The following NPC1 variants were observed in gnomAD, a reference collection of about 807,000 sequenced individuals.
The protein encoded by NPC1 is NPC intracellular cholesterol transporter 1, also known as Niemann-Pick C1 protein.
Under a neutral mutation model 140.4 loss-of-function variants are expected in NPC1, and 85 were observed. That is an observed-to-expected ratio of 0.61 (90% CI 0.51 to 0.72). NPC1 has a LOEUF of 0.72. NPC1 is among the 30% of genes least tolerant of loss of function. The pLI is 0.00. For missense variants in NPC1, 1,504 were observed against 1,623.8 expected (o/e 0.93, Z 1.27); for synonymous variants, 656 against 624.8 (o/e 1.05, Z -0.74).
chr18:23,570,385 T>G (rs2059184541), intron 3 of NPC1, among the ~76,000 whole-genome samples: 1 of 152,218 alleles, frequency 6.6e-6, no homozygotes. Flanking sequence ...TAAATAAATG[T>G]GTTTTGACTG....
At chr18:23,515,915 G>C (rs758501055) in intron 3 of NPC1, 4 of 1,614,076 alleles carry the variant, frequency 2.5e-6, no homozygotes, top group Non-Finnish European at 2.5e-6. Context: ...ATGTGAATTG[G>C]TACATGTACT....
At chr18:23,563,333 T>C (rs2145494021) in intron 4 of NPC1, among the ~76,000 whole-genome samples, 1 of 152,342 alleles carries the variant, frequency 6.6e-6, no homozygotes, top group Admixed American at 6.5e-5. Context: ...GCTAGAAGCA[T>C]TTGTGTATAA....
Position 23,532,042 on chromosome 18 carries a change from T to C in NPC1, c.*160A>G, listed in dbSNP as rs1294134025. 1.4e-5 allele frequency: 22 copies of C among 1,569,398 alleles called. No homozygotes were observed. The highest frequency in any genetic ancestry group is 1.9e-5 in the Non-Finnish European group (22 of 1,159,626). On this transcript the variant is annotated 3_prime_UTR_variant, in exon 25 of 25. Coordinates refer to ENST00000269228, the MANE Select transcript of NPC1 (RefSeq NM_000271.5). Reference sequence around the variant, plus strand: ...GTAATACTGCTTCCCAAGTCAACTGTGCATTCCTGAGTTCACAGGCGCTAC... The same window carrying C: ...GTAATACTGCTTCCCAAGTCAACTGCGCATTCCTGAGTTCACAGGCGCTAC...
rs138079168 is a variant in NPC1, at chr18:23,556,607, G to A, written c.962C>T (p.Ala321Val). 77 of 1,614,034 alleles carry A rather than the reference G, an allele frequency of 4.8e-5. No individual in the cohort carries two copies. In the East Asian group the frequency reaches 6.2e-4, roughly 13 times the overall value. ...FSVNASDKGE[A>V]SCCDPVSAAF... is the part of the protein sequence containing the mutation. ...TGCGCTGACAGGGTCACAGCAGGAC[G>A]CCTCTCCTGGAAGAACGGGAGAGGA... Residue 321 changes from alanine to valine, a missense_variant, in exon 8 of 25, where the codon GCG becomes GTG. By Grantham distance (64) the Ala-to-Val change is moderately conservative. Coordinates refer to ENST00000269228, the MANE Select transcript of NPC1 (RefSeq NM_000271.5).
At chr18:23,524,039 C>A in intron 1 of NPC1, 1 of 1,321,276 alleles carries the variant, frequency 7.6e-7, no homozygotes. Context: ...TTCGTAATGA[C>A]ATTAAAAAGT....
rs2145406160 is a variant in NPC1, at chr18:23,545,124, T to C, written c.1783A>G (p.Lys595Glu). 6.2e-7 allele frequency: 1 copy of C among 1,613,226 alleles called. No homozygotes were observed. The highest frequency in any genetic ancestry group is 8.5e-7 in the Non-Finnish European group (1 of 1,179,122). ...AAGGAAATGGTCAGATTGGGATTCTTGTAGTTTTTCACAAAATTAATAAAC... is the reference window on the plus strand; with the variant it reads ...AAGGAAATGGTCAGATTGGGATTCTCGTAGTTTTTCACAAAATTAATAAAC... Reference protein sequence around the residue: ...KEFINFVKNYKNPNLTISFTA... With the variant: ...KEFINFVKNYENPNLTISFTA... The change falls in exon 12 of 25, where the codon AAG (lysine) becomes GAG (glutamate). Residue 595 changes from lysine (K) to glutamate (E), a missense_variant. By Grantham distance (56) the Lys-to-Glu change is moderately conservative. Transcript: ENST00000269228.
At chr18:23,528,115 T>C (rs1174196968), downstream of NPC1, 2 of 479,946 alleles carry the variant, frequency 4.2e-6, no homozygotes, top group African/African-American at 4.0e-5. Flanking sequence ...TGCATCTCAC[T>C]TCATACCTTC....
intron 1 of NPC1, among the ~76,000 whole-genome samples, chr18:23,574,678 C>A (rs572756453): frequency 1.2e-4 from 18 of 152,146 alleles, no homozygotes; most frequent in Non-Finnish European, 2.2e-4. Flanking sequence ...TCTCTGAATT[C>A]ATTTTTCAGA....
chr18:23,529,562 T>C, downstream of NPC1: 2 of 1,385,026 alleles, frequency 1.4e-6, no homozygotes, highest in Non-Finnish European at 1.0e-6. Flanking sequence ...AAGGTGGGGG[T>C]TGGATAGAGA....
intron 10 of NPC1, among the ~76,000 whole-genome samples, chr18:23,548,812 A>C (rs1328077917): frequency 6.6e-6 from 1 of 151,984 alleles, no homozygotes; most frequent in African/African-American, 2.4e-5. Context: ...TGACAGGGGG[A>C]CAGTGTCTTG....
chr18:23,578,426 C>T (rs943467558), intron 1 of NPC1, among the ~76,000 whole-genome samples: 1 of 152,194 alleles, frequency 6.6e-6, no homozygotes, highest in Admixed American at 6.5e-5. Flanking sequence ...CAAACCCCAC[C>T]GTGTGCAAGA....
intron 3 of NPC1, chr18:23,509,308 G>T: frequency 8.2e-7 from 1 of 1,213,256 alleles, no homozygotes; most frequent in Non-Finnish European, 1.1e-6. Context: ...ATGTTTGTTG[G>T]TTAAAGTTCA....
At chr18:23,543,339 A>AG in intron 14 of NPC1, 116 bp downstream of exon 14, 1 of 680,022 alleles carries the variant, frequency 1.5e-6, no homozygotes, top group East Asian at 2.8e-5. Flanking sequence ...AGAGAAAAAA[A>AG]AAAAAAAGAA....
At chr18:23,519,002 CCT>C (rs776122477), downstream of NPC1, 150 of 1,613,116 alleles carry the variant, frequency 9.3e-5, no homozygotes, top group Non-Finnish European at 1.2e-4. Context: ...CTTTGTTTTC[CCT>C]CTCTCTCTGA....
intron 11 of NPC1, 27 bp downstream of exon 11, chr18:23,547,979 G>C: frequency 3.1e-6 from 4 of 1,284,740 alleles, no homozygotes; most frequent in Non-Finnish European, 4.5e-6. Context: ...TGCAAGGACA[G>C]TCTGCTCACA....
chr18:23,531,431 G>A (rs995405817), downstream of NPC1: 9 of 1,193,530 alleles, frequency 7.5e-6, no homozygotes, highest in Non-Finnish European at 1.0e-5. Flanking sequence ...ATAAGGACAG[G>A]TTAGATAGAA....
intron 10 of NPC1, among the ~76,000 whole-genome samples, chr18:23,550,302 T>C (rs577101515): frequency 6.6e-6 from 1 of 151,740 alleles, no homozygotes; most frequent in Non-Finnish European, 1.5e-5. Flanking sequence ...TGAATAACTC[T>C]CGGCCCAGTT....
In NPC1 at chr18:23,534,566, T is replaced by G. The variant is rs767148121; in HGVS notation, c.3478-7A>C. On this transcript the variant is annotated splice_polypyrimidine_tract_variant and splice_region_variant and intron_variant, in intron 22 of 24. Transcript: ENST00000269228. Reference sequence around the variant, plus strand: ...CCACGGAGATGCCACAGCTCTGAAATAAAGCACTTCCTTTAGGATGGCTCT... The same window carrying G: ...CCACGGAGATGCCACAGCTCTGAAAGAAAGCACTTCCTTTAGGATGGCTCT... 8 of 1,608,580 alleles carry G rather than the reference T, an allele frequency of 5.0e-6. No homozygotes were observed. In the Admixed American group the frequency reaches 1.3e-4, roughly 27 times the overall value.
chr18:23,532,295 G>A lies in NPC1; in HGVS notation c.3755-11C>T. ...TATTTACTGATGGCCCTATGAGAGA[G>A]AGAGACTTTTTCTTATTTCTGCAGG... On this transcript the variant is annotated splice_polypyrimidine_tract_variant and intron_variant, in intron 24 of 24. Transcript: ENST00000269228. The A allele has an allele frequency of 1.9e-6, 3 of 1,614,104 alleles. No homozygotes were observed. Among genetic ancestry groups the A allele is most frequent in the Non-Finnish European group, 2.5e-6 (3 of 1,179,994 alleles).
Sources: allele counts gnomAD v4.1 joint callset (sites outside exome capture counted in the v4.1 genomes callset), GRCh38; gene constraint gnomAD v4.1.1; transcripts MANE v1.5; gene names NCBI Gene and HGNC (gene_info 2026-07-23, HGNC 2026-07-21).